The following EXOC6B variants were observed in gnomAD, a reference collection of about 807,000 sequenced individuals.
The protein encoded by EXOC6B is SEC15 homolog B.
A neutral mutation model predicts 113.5 loss-of-function variants in EXOC6B; 54 were observed. The observed-to-expected ratio is 0.48, with a 90% CI of 0.38 to 0.60. The LOEUF (loss-of-function observed/expected upper bound fraction) is 0.60, where lower values mean the gene tolerates loss of function less well. EXOC6B is among the 20% of genes least tolerant of loss of function. The pLI is 0.00. For missense variants in EXOC6B, 797 were observed against 977.5 expected (o/e 0.82, Z 2.46); for synonymous variants, 357 against 339.0 (o/e 1.05, Z -0.58).
intron 20 of EXOC6B, among the ~76,000 whole-genome samples, chr2:72,206,556 T>C (rs552089542): frequency 2.0e-5 from 3 of 152,350 alleles, no homozygotes; most frequent in South Asian, 4.1e-4. Context: ...AGTTGAACTG[T>C]TGATTATGTC....
chr2:72,218,511 T>G (rs893328997), intron 20 of EXOC6B, among the ~76,000 whole-genome samples: 6 of 152,208 alleles, frequency 3.9e-5, no homozygotes, highest in African/African-American at 1.4e-4. Context: ...ACCTGATTAG[T>G]AATGATTTAT....
At chr2:72,463,279 A>C (rs112569679) in intron 18 of EXOC6B, 11 of 152,258 alleles carry the variant, frequency 7.2e-5, no homozygotes, top group African/African-American at 2.4e-4. Context: ...GTATCAGGAT[A>C]AAGCTAGACA....
chr2:72,671,761 A>G (rs866087359), intron 6 of EXOC6B, among the ~76,000 whole-genome samples: 17 of 25,172 alleles, frequency 6.8e-4, no homozygotes, highest in African/African-American at 1.7e-3. Flanking sequence ...GAAAGAAAGA[A>G]AGAAAGAAAG....
intron 20 of EXOC6B, chr2:72,263,140 A>T (rs1294372096): frequency 2.0e-5 from 3 of 152,194 alleles, no homozygotes; most frequent in African/African-American, 7.2e-5. Flanking sequence ...TTGCCCTATG[A>T]AATTAACCGG....
At chr2:72,512,385 A>C in intron 11 of EXOC6B, among the ~76,000 whole-genome samples, 1 of 121,834 alleles carries the variant, frequency 8.2e-6, no homozygotes, top group African/African-American at 3.2e-5. Context: ...GGAAGGAAGG[A>C]AGGAAGGAAG....
chr2:72,290,950 A>C (rs1033339796), intron 20 of EXOC6B, among the ~76,000 whole-genome samples: 16 of 152,212 alleles, frequency 1.1e-4, no homozygotes, highest in African/African-American at 2.9e-4. Flanking sequence ...CTTTAATAAT[A>C]TGCAAAATCT....
chr2:72,595,833 T>C (rs970255686), intron 6 of EXOC6B, among the ~76,000 whole-genome samples: 1 of 152,100 alleles, frequency 6.6e-6, no homozygotes, highest in African/African-American at 2.4e-5. Context: ...ACAAGCAGAA[T>C]ATAAAAATGC....
At chr2:72,364,193 T>C (rs1690476875) in intron 19 of EXOC6B, among the ~76,000 whole-genome samples, 1 of 152,104 alleles carries the variant, frequency 6.6e-6, no homozygotes, top group Non-Finnish European at 1.5e-5. Context: ...TTAAGATTTT[T>C]TTATAGACCA....
intron 19 of EXOC6B, among the ~76,000 whole-genome samples, chr2:72,338,137 G>T (rs565825835): frequency 1.3e-5 from 2 of 152,220 alleles, no homozygotes; most frequent in East Asian, 3.9e-4. Flanking sequence ...AGCTCTATGG[G>T]CTTACACAAT....
At chr2:72,688,015 A>C (rs1308091310) in intron 6 of EXOC6B, among the ~76,000 whole-genome samples, 1 of 152,150 alleles carries the variant, frequency 6.6e-6, no homozygotes. Flanking sequence ...CCTCCAAAAA[A>C]AATCACCAAA....
intron 6 of EXOC6B, among the ~76,000 whole-genome samples, chr2:72,597,461 G>A (rs184325877): frequency 6.3e-4 from 95 of 151,782 alleles, no homozygotes; most frequent in East Asian, 4.6e-3. Context: ...TGCTGAGAGG[G>A]AAAATGGAAT....
At chr2:72,655,045 T>C (rs1212610225) in intron 6 of EXOC6B, among the ~76,000 whole-genome samples, 2 of 152,212 alleles carry the variant, frequency 1.3e-5, no homozygotes, top group Admixed American at 1.3e-4. Context: ...TTTCACAAAT[T>C]AACCATACTT....
In EXOC6B at chr2:72,379,720, C is replaced by G; in HGVS notation, c.2122+9G>C. 6.2e-7 allele frequency: 1 copy of G among 1,604,264 alleles called. No homozygotes were observed. The highest frequency in any genetic ancestry group is 8.5e-7 in the Non-Finnish European group (1 of 1,174,124). Reference sequence around the variant, plus strand: ...AGATAAACAAGCACAGGGATGGTCACTGTCTTACGTTCACATTCTCTGACG... The same window carrying G: ...AGATAAACAAGCACAGGGATGGTCAGTGTCTTACGTTCACATTCTCTGACG... On this transcript the variant is annotated intron_variant, in intron 19 of 21. Transcript: ENST00000272427.
At chr2:72,790,978 T>C (rs867356339) in intron 1 of EXOC6B, among the ~76,000 whole-genome samples, 14 of 152,254 alleles carry the variant, frequency 9.2e-5, no homozygotes, top group South Asian at 8.3e-4. Context: ...CCATGGTGCA[T>C]GGATACAAAA....
chr2:72,393,473 G>C (rs1036994962), intron 18 of EXOC6B, among the ~76,000 whole-genome samples: 1 of 151,968 alleles, frequency 6.6e-6, no homozygotes, highest in African/African-American at 2.4e-5. Context: ...TATACTTACA[G>C]ACATCCAAAA....
chr2:72,495,351 T>C, intron 15 of EXOC6B, 79 bp downstream of exon 15: 1 of 761,058 alleles, frequency 1.3e-6, no homozygotes, highest in Non-Finnish European at 2.1e-6. Flanking sequence ...GACGGGACTA[T>C]CAAAAGTTTT....
At chr2:72,256,353 C>CTA (rs1300016796) in intron 20 of EXOC6B, among the ~76,000 whole-genome samples, 1 of 152,146 alleles carries the variant, frequency 6.6e-6, no homozygotes, top group Non-Finnish European at 1.5e-5. Flanking sequence ...AATGAAGACA[C>CTA]TATCAAATCA....
intron 18 of EXOC6B, among the ~76,000 whole-genome samples, chr2:72,435,756 T>C (rs1573113399): frequency 6.6e-6 from 1 of 151,352 alleles, no homozygotes; most frequent in South Asian, 2.1e-4. Flanking sequence ...GCTTGGTAAA[T>C]ATTCCTCCAT....
intron 6 of EXOC6B, among the ~76,000 whole-genome samples, chr2:72,627,736 T>A (rs1672148534): frequency 1.3e-5 from 2 of 152,136 alleles, no homozygotes. Context: ...CCTGGTGCAT[T>A]AGGTCAAGGT....
Sources: gnomAD v4.1 joint callset for allele counts (sites outside exome capture counted in the v4.1 genomes callset) on GRCh38, gnomAD v4.1.1 for gene constraint, MANE v1.5 for transcripts, NCBI Gene and HGNC (gene_info 2026-07-23, HGNC 2026-07-21) for gene names.